Variants in OLFM1 observed in about 807,000 individuals in gnomAD.
OLFM1 encodes the protein noelin.
OLFM1 carries 9 observed loss-of-function variants against 49.7 expected under a neutral mutation model. The observed-to-expected ratio is 0.18, with a 90% CI of 0.11 to 0.32. The LOEUF is 0.32. Among genes scored for constraint, OLFM1 ranks in the 10% least tolerant of loss-of-function variants. OLFM1 has a pLI of 1.00. For synonymous variants in OLFM1, 240 were observed against 271.8 expected, an observed-to-expected ratio of 0.88 and a Z score of 1.15; for missense variants, 369 against 661.8, an observed-to-expected ratio of 0.56 and a Z score of 4.85.
intron 1 of OLFM1, among the ~76,000 whole-genome samples, chr9:135,079,792 C>G (rs568944272): frequency 2.6e-4 from 39 of 152,128 alleles, no homozygotes; most frequent in Non-Finnish European, 5.6e-4. Context: ...CTGGCCTTTC[C>G]TAAAACATGA....
chr9:135,114,209 C>T (rs1411528665), intron 5 of OLFM1, among the ~76,000 whole-genome samples: 6 of 134,340 alleles, frequency 4.5e-5, no homozygotes, highest in Admixed American at 2.5e-4. Context: ...GGTGCGATCT[C>T]GGCTCACTGC....
At chr9:135,106,498 C>T (rs542336060) in intron 4 of OLFM1, 18 of 488,816 alleles carry the variant, frequency 3.7e-5, no homozygotes, top group African/African-American at 6.0e-5. Flanking sequence ...GGAGGGCGGC[C>T]GTCTGCCCAC....
chr9:135,105,317 T>C (rs1400145603), intron 4 of OLFM1, among the ~76,000 whole-genome samples: 1 of 152,158 alleles, frequency 6.6e-6, no homozygotes, highest in African/African-American at 2.4e-5. Context: ...CGATGGGAAT[T>C]TGGGGGCAAA....
At chr9:135,084,417 T>TTCTC (rs1390190677), upstream of OLFM1, among the ~76,000 whole-genome samples, 464 of 146,242 alleles carry the variant, frequency 3.2e-3, 18 homozygotes, top group African/African-American at 0.012. The surrounding 1 kb of genome is among the most constrained non-coding windows in gnomAD (Gnocchi z 4.6). Context: ...TCTGTCTCTC[T>TTCTC]TCTGTCTCTC....
chr9:135,086,272 T>A (rs570865333), upstream of OLFM1, among the ~76,000 whole-genome samples: 1 of 152,220 alleles, frequency 6.6e-6, no homozygotes, highest in Non-Finnish European at 1.5e-5. Context: ...TTTCCTGGCA[T>A]CCGACCCAGC....
At chr9:135,091,827 TCA>T (rs1483146904) in intron 2 of OLFM1, among the ~76,000 whole-genome samples, 31 of 52,936 alleles carry the variant, frequency 5.9e-4, no homozygotes, top group East Asian at 1.1e-3. Flanking sequence ...TCACACACAC[TCA>T]CAGTCACACA....
intron 1 of OLFM1, among the ~76,000 whole-genome samples, chr9:135,077,900 G>A (rs533794576): frequency 6.6e-6 from 1 of 152,364 alleles, no homozygotes; most frequent in East Asian, 1.9e-4. Context: ...GTCTCTGAAG[G>A]GGGCAGAGAG....
At chr9:135,114,960 A>G (rs1042972104) in intron 5 of OLFM1, among the ~76,000 whole-genome samples, 3 of 152,100 alleles carry the variant, frequency 2.0e-5, no homozygotes, top group African/African-American at 4.8e-5. Context: ...ATGTCATCCA[A>G]GCCCCCCACC....
chr9:135,084,925 C>A (rs752139938), upstream of OLFM1, among the ~76,000 whole-genome samples: 13 of 152,158 alleles, frequency 8.5e-5, no homozygotes, highest in Non-Finnish European at 1.5e-4. The surrounding 1 kb of genome is among the most constrained non-coding windows in gnomAD (Gnocchi z 4.6). Flanking sequence ...ATGTGGCTGT[C>A]CTAGGGCTTC....
chr9:135,092,713 A>G (rs1830733056), intron 2 of OLFM1, among the ~76,000 whole-genome samples: 1 of 152,190 alleles, frequency 6.6e-6, no homozygotes, highest in South Asian at 2.1e-4. Flanking sequence ...CTGGGACTGC[A>G]GGCCCTGGAA....
intron 5 of OLFM1, 61 bp from the exon 6 acceptor site, chr9:135,119,443 G>T: frequency 7.4e-7 from 1 of 1,356,082 alleles, no homozygotes. Context: ...TGCTCACTGG[G>T]TCTTTGGAGT....
intron 1 of OLFM1, among the ~76,000 whole-genome samples, chr9:135,081,741 C>T (rs1254280349): frequency 5.3e-5 from 8 of 152,084 alleles, no homozygotes; most frequent in Non-Finnish European, 8.8e-5. Context: ...TTTGAGAGGC[C>T]GAGGCAGGTG....
chr9:135,079,098 T>A (rs1252713333), intron 1 of OLFM1, among the ~76,000 whole-genome samples: 2 of 152,148 alleles, frequency 1.3e-5, no homozygotes, highest in Non-Finnish European at 2.9e-5. Flanking sequence ...GTTAAGTGAG[T>A]CCAAACCCTT....
At chr9:135,114,958 C>T (rs1418891954) in intron 5 of OLFM1, among the ~76,000 whole-genome samples, 2 of 152,136 alleles carry the variant, frequency 1.3e-5, no homozygotes, top group African/African-American at 2.4e-5. Context: ...TGATGTCATC[C>T]AAGCCCCCCA....
upstream of OLFM1, chr9:135,087,660 C>T: frequency 3.9e-6 from 2 of 516,194 alleles, no homozygotes; most frequent in Non-Finnish European, 5.7e-6. Context: ...GCAGCCCGCG[C>T]AGCGCTCAGA....
intron 4 of OLFM1, among the ~76,000 whole-genome samples, chr9:135,100,283 C>T (rs1238164461): frequency 1.3e-5 from 2 of 152,206 alleles, no homozygotes; most frequent in African/African-American, 4.8e-5. Context: ...GGCACCACCC[C>T]TCCCGGATGA....
intron 5 of OLFM1, among the ~76,000 whole-genome samples, chr9:135,111,281 C>T (rs1444708967): frequency 6.6e-6 from 1 of 152,212 alleles, no homozygotes; most frequent in Non-Finnish European, 1.5e-5. Context: ...CAAAGAAACC[C>T]TCATGGGTTG....
chr9:135,104,490 G>A (rs13295078), intron 4 of OLFM1, among the ~76,000 whole-genome samples: 1,584 of 152,356 alleles, frequency 0.01, 17 homozygotes, highest in South Asian at 0.025. Flanking sequence ...AAGGCCCGGC[G>A]TGTTGACTGA....
intron 1 of OLFM1, chr9:135,077,315 G>T: frequency 7.2e-7 from 1 of 1,391,692 alleles, no homozygotes; most frequent in Non-Finnish European, 9.3e-7. Context: ...GGACATGGCC[G>T]CACCCAAGGG....
Sources: allele counts gnomAD v4.1 joint callset (sites outside exome capture counted in the v4.1 genomes callset), GRCh38; gene constraint gnomAD v4.1.1; non-coding constraint Gnocchi (gnomAD v3.1); transcripts MANE v1.5; gene names NCBI Gene and HGNC (gene_info 2026-07-23, HGNC 2026-07-21).